USP6NL: variants seen among roughly 807,000 people sequenced by gnomAD.
USP6NL encodes USP6 N-terminal like, also known as USP6 N-terminal-like protein.
USP6NL carries 26 observed loss-of-function variants against 61.9 expected under a neutral mutation model. The observed-to-expected ratio is 0.42, with a 90% CI of 0.31 to 0.58. The LOEUF (loss-of-function observed/expected upper bound fraction) is 0.58. USP6NL is among the 20% of genes least tolerant of loss of function. The probability of loss-of-function intolerance (pLI) is 0.16; values close to 1 mark genes in which losing one functional copy is unlikely to be tolerated. For synonymous variants in USP6NL, 432 were observed against 390.1 expected, an observed-to-expected ratio of 1.11 and a Z score of -1.27; for missense variants, 1,114 against 1,034.3, an observed-to-expected ratio of 1.08 and a Z score of -1.06.
At chr10:11,484,155 C>T (rs1833359320) in intron 13 of USP6NL, among the ~76,000 whole-genome samples, 1 of 152,122 alleles carries the variant, frequency 6.6e-6, no homozygotes, top group Non-Finnish European at 1.5e-5. Context: ...GAACATGAAA[C>T]TATGTGGTAT....
chr10:11,564,071 C>T lies in USP6NL; in HGVS notation c.4+33560G>A, dbSNP rs138511583. 10 of 152,234 alleles carry T rather than the reference C, an allele frequency of 6.6e-5. No individual in the cohort carries two copies. In the East Asian group the frequency reaches 1.9e-3, roughly 29 times the overall value. The allele number at this position is 152,234 out of a possible 1,614,324, so 9.4% of individuals were successfully genotyped here. A position where few individuals can be genotyped will look rare whatever the true frequency, so the allele number is the denominator to read the frequency against. Reference sequence around the variant, plus strand: ...TTTGTTAGATGTTTCTGGTAACTGCCATCGTGAATCTAGCAGATGTTCAGG... The same window carrying T: ...TTTGTTAGATGTTTCTGGTAACTGCTATCGTGAATCTAGCAGATGTTCAGG... On this transcript the variant is annotated intron_variant, in intron 2 of 14. Transcript: ENST00000609104.
At chr10:11,564,018 C>A (rs1226362071) in intron 2 of USP6NL, 3 of 152,188 alleles carry the variant, frequency 2.0e-5, no homozygotes, top group African/African-American at 4.8e-5. Context: ...TTAGTCCAAG[C>A]CAGATTTTCA....
chr10:11,493,893 C>A (rs1166879806), intron 7 of USP6NL, among the ~76,000 whole-genome samples: 2 of 152,166 alleles, frequency 1.3e-5, no homozygotes, highest in African/African-American at 4.8e-5. Context: ...GCCTGTGCGG[C>A]CTGACCTCTG....
At chr10:11,593,619 G>A (rs1482775465) in intron 2 of USP6NL, among the ~76,000 whole-genome samples, 3 of 152,186 alleles carry the variant, frequency 2.0e-5, no homozygotes, top group Non-Finnish European at 4.4e-5. Context: ...AATCCACAAT[G>A]AAATGCACAT....
At position 11,553,082 on chromosome 10, in the gene USP6NL, A is replaced by AT. The variant is rs1214145719; in HGVS notation, c.5-25516dup. On this transcript the variant is annotated intron_variant, in intron 2 of 14. Transcript: ENST00000609104. The surrounding 1 kb of genome is among the most constrained non-coding windows in gnomAD (Gnocchi z 4.8). ...TGAGAACACTGGCATCATTTTTAAC[A>AT]TTTTATTTATCCTTCACCCCTCTAC... Among the ~76,000 whole-genome samples, 1 of 152,016 alleles carries AT rather than the reference A, an allele frequency of 6.6e-6. No homozygotes were observed. The highest frequency in any genetic ancestry group is 2.4e-5 in the African/African-American group (1 of 41,410).
In USP6NL at chr10:11,462,567, T is replaced by A. The variant is rs375659468; in HGVS notation, c.2361A>T (p.Arg787Ser). The change falls in exon 15 of 15, where the codon AGA becomes AGT. Residue 787 changes from arginine (R) to serine (S), a missense_variant. Transcript: ENST00000609104. ...LPAVSVDSPV[R>S]YKASPAAEDA... The stretch of plus-strand genomic sequence containing the variant: ...CTTCTGCGGCCGGTGAAGCTTTATA[T>A]CTCACGGGACTATCTACAGAAACTG... 1.3e-5 allele frequency: 21 copies of A among 1,613,850 alleles called. No individual in the cohort carries two copies. The highest frequency in any genetic ancestry group is 2.7e-5 in the African/African-American group (2 of 74,894).
intron 2 of USP6NL, chr10:11,565,018 T>C (rs1462619687): frequency 6.6e-6 from 1 of 152,350 alleles, no homozygotes; most frequent in African/African-American, 2.4e-5. Flanking sequence ...AGAAGTTGTA[T>C]GATCTTACTA....
Position 11,499,868 on chromosome 10 carries a change from A to G in USP6NL, c.384+1233T>C, listed in dbSNP as rs1191911283. ...GGTTACAGCAGCCCTAAATGAATAC[A>G]GCATGTAAATAAAGTGCTTTTTCTT... On this transcript the variant is annotated intron_variant, in intron 7 of 14. Transcript: ENST00000609104. The surrounding 1 kb of genome is among the most constrained non-coding windows in gnomAD (Gnocchi z 4.5). Among the ~76,000 whole-genome samples the G allele has an allele frequency of 1.3e-5, 2 of 152,228 alleles. No homozygotes were observed. Among genetic ancestry groups the G allele is most frequent in the African/African-American group, 4.8e-5 (2 of 41,462 alleles).
At chr10:11,484,871 A>G (rs1335371923) in intron 13 of USP6NL, 100 bp downstream of exon 13, 2 of 917,744 alleles carry the variant, frequency 2.2e-6, no homozygotes, top group Non-Finnish European at 3.1e-6. Context: ...TTAAACCACT[A>G]TTAAAAGACA....
chr10:11,594,738 T>A (rs960185641), intron 2 of USP6NL, among the ~76,000 whole-genome samples: 4 of 152,106 alleles, frequency 2.6e-5, no homozygotes, highest in African/African-American at 4.8e-5. Context: ...ATAATAATAA[T>A]AAAACACAGA....
At chr10:11,601,285 A>G (rs1385229075) in intron 1 of USP6NL, among the ~76,000 whole-genome samples, 1 of 152,184 alleles carries the variant, frequency 6.6e-6, no homozygotes, top group Admixed American at 6.5e-5. Flanking sequence ...CTTATATAAC[A>G]GTCCAAAATA....
At chr10:11,563,292 G>A (rs1052226674) in intron 2 of USP6NL, 4 of 152,110 alleles carry the variant, frequency 2.6e-5, no homozygotes, top group African/African-American at 9.7e-5. Context: ...TGTGGGAAGG[G>A]TATGATAGAA....
chr10:11,522,732 A>G (rs1252048677), intron 4 of USP6NL, among the ~76,000 whole-genome samples: 1 of 152,244 alleles, frequency 6.6e-6, no homozygotes, highest in Non-Finnish European at 1.5e-5. Context: ...AGCAGTGTTC[A>G]TTTCAAACAG....
At position 11,555,447 on chromosome 10, in the gene USP6NL, T is replaced by TAG. The variant is rs1278428957; in HGVS notation, c.5-27881_5-27880insCT. Among the ~76,000 whole-genome samples the TAG allele has an allele frequency of 5.7e-4, 42 of 73,714 alleles. 2 individuals are homozygous for TAG. The highest frequency in any genetic ancestry group is 2.7e-3 in the South Asian group (5 of 1,824). 48.4% of individuals were successfully genotyped at this position (73,714 alleles called of 152,430 possible). A position where few individuals can be genotyped will look rare whatever the true frequency, so the allele number is the denominator to read the frequency against. ...AAAAAAAAAAAAATATATATATATATATATAGAGAGAGAGAGAGAGAGAAA... is the reference window on the plus strand; with the variant it reads ...AAAAAAAAAAAAATATATATATATATAGATATAGAGAGAGAGAGAGAGAGAAA... On this transcript the variant is annotated intron_variant, in intron 2 of 14. Transcript: ENST00000609104.
At chr10:11,555,873 A>C (rs532198881) in intron 2 of USP6NL, among the ~76,000 whole-genome samples, 32 of 152,358 alleles carry the variant, frequency 2.1e-4, no homozygotes, top group African/African-American at 7.0e-4. Flanking sequence ...AAATGCTAAA[A>C]TAACCAGCAT....
chr10:11,493,781 G>T (rs989047889), intron 7 of USP6NL, among the ~76,000 whole-genome samples: 2 of 151,766 alleles, frequency 1.3e-5, no homozygotes, highest in East Asian at 2.0e-4. Flanking sequence ...CTCTGGGCCT[G>T]TTCCTGCCTG....
rs1591827281 is a variant in USP6NL, at chr10:11,481,323, G to T, written c.1078+447C>A. ...CAGTAATGCTATTTGTGGTTCTGTG[G>T]CTTCATATTTAAGCCACTTAGGCAC... is the stretch of plus-strand genomic sequence containing the variant. On this transcript the variant is annotated intron_variant, in intron 14 of 14. Coordinates refer to ENST00000609104, the MANE Select transcript of USP6NL (RefSeq NM_014688.5). This position sits in a 1 kb window ranked among gnomAD's most constrained non-coding sequence, Gnocchi z 4.4. Among the ~76,000 whole-genome samples, 1 of 152,150 alleles carries T rather than the reference G, an allele frequency of 6.6e-6. No homozygotes were observed. The highest frequency in any genetic ancestry group is 2.1e-4 in the South Asian group (1 of 4,830).
intron 6 of USP6NL, among the ~76,000 whole-genome samples, chr10:11,507,040 G>T (rs1315474327): frequency 1.3e-5 from 2 of 152,176 alleles, no homozygotes; most frequent in African/African-American, 4.8e-5. Context: ...TTATCGGAGA[G>T]TGCTTCAAAA....
chr10:11,503,385 G>A (rs1387978636), intron 6 of USP6NL, among the ~76,000 whole-genome samples: 1 of 152,048 alleles, frequency 6.6e-6, no homozygotes, highest in Non-Finnish European at 1.5e-5. Context: ...ATAAGTTACT[G>A]TACATCATTT....
Sources: gnomAD v4.1 joint callset for allele counts (sites outside exome capture counted in the v4.1 genomes callset) on GRCh38, gnomAD v4.1.1 for gene constraint, Gnocchi (gnomAD v3.1) non-coding constraint, MANE v1.5 for transcripts, NCBI Gene and HGNC (gene_info 2026-07-23, HGNC 2026-07-21) for gene names.